Variants in ALPK2 observed in about 807,000 individuals in gnomAD.
ALPK2 encodes the protein alpha kinase 2.
In ALPK2, 127 loss-of-function variants were observed where a neutral mutation model predicts 163.1. That is an observed-to-expected ratio of 0.78 (90% confidence interval 0.67 to 0.90). The LOEUF is 0.90. ALPK2 is among the 40% of genes least tolerant of loss of function. The pLI is 0.00. For missense variants in ALPK2, 2,360 were observed against 2,589.6 expected (o/e 0.91, Z 1.92); for synonymous variants, 953 against 959.1 (o/e 0.99, Z 0.12).
chr18:58,565,767 C>T (rs2051849209), intron 4 of ALPK2, among the ~76,000 whole-genome samples: 2 of 120,810 alleles, frequency 1.7e-5, no homozygotes, highest in African/African-American at 5.6e-5. Context: ...TCCTTCCTTC[C>T]TTCCTTTCTT....
At chr18:58,554,619 G>A (rs938403869) in intron 4 of ALPK2, among the ~76,000 whole-genome samples, 3 of 152,226 alleles carry the variant, frequency 2.0e-5, no homozygotes, top group Non-Finnish European at 2.9e-5. Flanking sequence ...CCCGAGATCA[G>A]TGTGTCTTGT....
intron 12 of ALPK2, among the ~76,000 whole-genome samples, chr18:58,494,019 A>G (rs34654751): frequency 0.14 from 21,508 of 151,734 alleles, 1,667 homozygotes; most frequent in Non-Finnish European, 0.16. Flanking sequence ...CTCCCCGGGA[A>G]CTCCCCGACT....
In ALPK2 at chr18:58,579,407, C is replaced by G. The variant is rs200533766; in HGVS notation, c.1369G>C (p.Ala457Pro). Reference sequence around the variant, plus strand: ...ATTCCTGGATAATCATTTTCAGCAGCCTCGGGAGCAGTGGGGAGTTTATAT... The same window carrying G: ...ATTCCTGGATAATCATTTTCAGCAGGCTCGGGAGCAGTGGGGAGTTTATAT... ...GRYKLPTAPE[A>P]AENDYPGIQG... The change falls in exon 4 of 13, where the codon GCT (alanine) becomes CCT (proline). Residue 457 changes from alanine (A) to proline (P), a missense_variant. By Grantham distance (27) the Ala-to-Pro change is conservative (BLOSUM62 -1). Coordinates refer to ENST00000361673, the MANE Select transcript of ALPK2 (RefSeq NM_052947.4). The G allele has an allele frequency of 1.2e-6, 2 of 1,614,170 alleles. No individual in the cohort carries two copies. The highest frequency in any genetic ancestry group is 1.7e-5 in the Admixed American group (1 of 60,024).
chr18:58,611,692 ATAT>A lies in ALPK2; in HGVS notation c.103_105del (p.Ile35del), dbSNP rs1460058397. 6.8e-6 allele frequency: 11 copies of A among 1,612,176 alleles called. No individual in the cohort carries two copies. The highest frequency in any genetic ancestry group is 4.5e-5 in the East Asian group (2 of 44,838). ...TAGCTAGTCTAGTGATGGTTACCAG[ATAT>A]TATGCAGCGAAGCACAGCGTCTGAC... On this transcript the variant is annotated inframe_deletion, in exon 2 of 13. Coordinates refer to ENST00000361673, the MANE Select transcript of ALPK2 (RefSeq NM_052947.4).
chr18:58,550,325 T>C (rs77789104), intron 4 of ALPK2, among the ~76,000 whole-genome samples: 161 of 5,884 alleles, frequency 0.027, no homozygotes, highest in South Asian at 0.065. Context: ...CGTAAAACCC[T>C]ATCCCTGCCT....
At chr18:58,573,011 A>T (rs2051893841) in intron 4 of ALPK2, among the ~76,000 whole-genome samples, 2 of 152,164 alleles carry the variant, frequency 1.3e-5, no homozygotes, top group Non-Finnish European at 2.9e-5. Flanking sequence ...TTACAACTGC[A>T]TGTGAATGTA....
chr18:58,483,855 A>G (rs1482029674), intron 12 of ALPK2, among the ~76,000 whole-genome samples: 1 of 151,600 alleles, frequency 6.6e-6, no homozygotes, highest in Non-Finnish European at 1.5e-5. Context: ...ATGAGCCACC[A>G]TGCCCGGCCC....
intron 1 of ALPK2, among the ~76,000 whole-genome samples, chr18:58,616,247 T>C (rs1602241741): frequency 6.6e-6 from 1 of 152,370 alleles, no homozygotes; most frequent in East Asian, 1.9e-4. Flanking sequence ...CCACAGTTCC[T>C]GGCTCCTAAC....
chr18:58,625,187 A>G (rs372422168), intron 1 of ALPK2, among the ~76,000 whole-genome samples: 51 of 130,232 alleles, frequency 3.9e-4, no homozygotes, highest in African/African-American at 1.6e-3. Flanking sequence ...CCCTCAGCTG[A>G]AAAAAAAAAA....
chr18:58,552,976 C>T (rs993430263), intron 4 of ALPK2, among the ~76,000 whole-genome samples: 1 of 152,150 alleles, frequency 6.6e-6, no homozygotes. Flanking sequence ...AATCCAGTGA[C>T]TGTTGTCTTC....
intron 1 of ALPK2, among the ~76,000 whole-genome samples, chr18:58,618,293 G>A (rs1330998158): frequency 2.6e-5 from 4 of 152,010 alleles, no homozygotes; most frequent in South Asian, 2.1e-4. Flanking sequence ...ATGATCCACC[G>A]GCCCCGGCCT....
chr18:58,553,630 A>C (rs549609215), intron 4 of ALPK2, among the ~76,000 whole-genome samples: 32 of 152,070 alleles, frequency 2.1e-4, no homozygotes, highest in Non-Finnish European at 4.3e-4. Flanking sequence ...CATGATAGTG[A>C]CTTCTCACGA....
At chr18:58,488,748 G>T (rs1200231622) in intron 12 of ALPK2, among the ~76,000 whole-genome samples, 1 of 152,020 alleles carries the variant, frequency 6.6e-6, no homozygotes, top group South Asian at 2.1e-4. Flanking sequence ...GGTCAGGATG[G>T]GGGTGAAGAA....
intron 11 of ALPK2, among the ~76,000 whole-genome samples, chr18:58,502,454 C>T (rs2051437647): frequency 6.6e-6 from 1 of 152,186 alleles, no homozygotes; most frequent in South Asian, 2.1e-4. Flanking sequence ...CTCAAAACAA[C>T]TCTGTGTGGA....
chr18:58,534,819 G>A lies in ALPK2; in HGVS notation c.5353+15C>T. On this transcript the variant is annotated intron_variant, in intron 5 of 12. Transcript: ENST00000361673. ...GCCCAAACTTTAACAATGATGGACA[G>A]CAACAGAACCTCACCTCTTCCTTCT... is the stretch of plus-strand genomic sequence containing the variant. The A allele has an allele frequency of 1.9e-6, 3 of 1,589,642 alleles. No homozygotes were observed. The highest frequency in any genetic ancestry group is 2.6e-6 in the Non-Finnish European group (3 of 1,170,538).
chr18:58,532,315 A>G (rs558359252), intron 5 of ALPK2, among the ~76,000 whole-genome samples: 2 of 152,332 alleles, frequency 1.3e-5, no homozygotes, highest in South Asian at 4.1e-4. Flanking sequence ...TTTTCTCTGC[A>G]AAGAAAATCC....
At chr18:58,548,535 G>A (rs1282126420) in intron 4 of ALPK2, among the ~76,000 whole-genome samples, 1 of 152,058 alleles carries the variant, frequency 6.6e-6, no homozygotes, top group African/African-American at 2.4e-5. Flanking sequence ...TAGCCAGGCA[G>A]GTCTTGAACT....
At chr18:58,488,206 C>G (rs2051350387) in intron 12 of ALPK2, among the ~76,000 whole-genome samples, 1 of 152,092 alleles carries the variant, frequency 6.6e-6, no homozygotes, top group Non-Finnish European at 1.5e-5. Flanking sequence ...GGCAAACAAT[C>G]TAATAAAGTC....
intron 4 of ALPK2, among the ~76,000 whole-genome samples, chr18:58,554,987 T>G (rs1202484810): frequency 6.6e-6 from 1 of 152,206 alleles, no homozygotes; most frequent in Non-Finnish European, 1.5e-5. Context: ...ATGGCTTTGC[T>G]CCTCCTTCGC....
Sources: allele counts gnomAD v4.1 joint callset (sites outside exome capture counted in the v4.1 genomes callset), GRCh38; gene constraint gnomAD v4.1.1; transcripts MANE v1.5; gene names NCBI Gene and HGNC (gene_info 2026-07-23, HGNC 2026-07-21).